The following ITGA9 variants were observed in gnomAD, a reference collection of about 807,000 sequenced individuals.
ITGA9 encodes integrin alpha-9.
ITGA9 carries 56 observed loss-of-function variants against 127.8 expected under a neutral mutation model. That is an observed-to-expected ratio of 0.44 (90% CI 0.35 to 0.55). The LOEUF (loss-of-function observed/expected upper bound fraction) is 0.55, where lower values mean the gene tolerates loss of function less well. Among genes scored for constraint, ITGA9 ranks in the 20% least tolerant of loss-of-function variants. The pLI is 0.00. For synonymous variants in ITGA9, 508 were observed against 514.5 expected, an observed-to-expected ratio of 0.99 and a Z score of 0.17; for missense variants, 1,196 against 1,347.1, an observed-to-expected ratio of 0.89 and a Z score of 1.76.
chr3:37,469,299 C>A (rs1698403776), intron 1 of ITGA9, among the ~76,000 whole-genome samples: 1 of 152,176 alleles, frequency 6.6e-6, no homozygotes, highest in Non-Finnish European at 1.5e-5. Context: ...TGTTCTATTT[C>A]TGTTTTGCAG....
intron 19 of ITGA9, among the ~76,000 whole-genome samples, chr3:37,736,070 G>T (rs1575213789): frequency 6.6e-6 from 1 of 152,166 alleles, no homozygotes; most frequent in East Asian, 1.9e-4. Context: ...CTTGGTGTGT[G>T]TGCATGGAGA....
chr3:37,582,909 AC>A (rs1479290685), intron 15 of ITGA9, among the ~76,000 whole-genome samples: 2 of 152,234 alleles, frequency 1.3e-5, no homozygotes, highest in African/African-American at 2.4e-5. Context: ...AAACTTGTCA[AC>A]CAGTAGGCCT....
intron 25 of ITGA9, 119 bp downstream of exon 25, chr3:37,780,140 C>T: frequency 8.1e-7 from 1 of 1,229,748 alleles, no homozygotes; most frequent in Non-Finnish European, 1.2e-6. Context: ...TCATGACAAT[C>T]TGGCTGCCCC....
At chr3:37,734,529 G>T (rs376219986) in intron 19 of ITGA9, among the ~76,000 whole-genome samples, 1 of 152,010 alleles carries the variant, frequency 6.6e-6, no homozygotes, top group African/African-American at 2.4e-5. Flanking sequence ...TCTCTCTGTC[G>T]CCCAGGCTGG....
In ITGA9 at chr3:37,779,840, A is replaced by G; in HGVS notation, c.2668-62A>G. On this transcript the variant is annotated intron_variant, in intron 24 of 27. Coordinates refer to ENST00000264741, the MANE Select transcript of ITGA9 (RefSeq NM_002207.3). Reference sequence around the variant, plus strand: ...GTTCATGGAGCCCACTACTCTGTAAATTGTTGTGGATTTGTCTTTGTTCTT... The same window carrying G: ...GTTCATGGAGCCCACTACTCTGTAAGTTGTTGTGGATTTGTCTTTGTTCTT... 2.5e-6 allele frequency: 4 copies of G among 1,575,028 alleles called. No homozygotes were observed. The Admixed American group carries it at 6.7e-5, about 26-fold the overall frequency.
chr3:37,614,420 T>C (rs1700054936), intron 15 of ITGA9, among the ~76,000 whole-genome samples: 1 of 152,216 alleles, frequency 6.6e-6, no homozygotes, highest in Admixed American at 6.5e-5. Flanking sequence ...TTTTGTTCTT[T>C]TGGCTTAGGA....
chr3:37,562,210 CCTTT>C (rs1305902072), intron 15 of ITGA9, among the ~76,000 whole-genome samples: 1 of 152,100 alleles, frequency 6.6e-6, no homozygotes, highest in Non-Finnish European at 1.5e-5. Flanking sequence ...ACCTGAAAGC[CCTTT>C]CTTAGGCTGA....
At chr3:37,612,226 C>T (rs766834786) in intron 15 of ITGA9, among the ~76,000 whole-genome samples, 70 of 152,170 alleles carry the variant, frequency 4.6e-4, no homozygotes, top group Non-Finnish European at 7.8e-4. Flanking sequence ...CGCCTTTGGC[C>T]GTTGGGAAGC....
chr3:37,669,477 A>G (rs1403138491), intron 17 of ITGA9, among the ~76,000 whole-genome samples: 1 of 152,164 alleles, frequency 6.6e-6, no homozygotes, highest in Non-Finnish European at 1.5e-5. Context: ...CTCTGCCACA[A>G]GCTCTGGCTT....
At position 37,452,349 on chromosome 3, in the gene ITGA9, G is replaced by C. The variant is rs1285761950; in HGVS notation, c.-26G>C. 1.8e-6 allele frequency: 2 copies of C among 1,123,172 alleles called. No individual in the cohort carries two copies. Among genetic ancestry groups the C allele is most frequent in the East Asian group, 9.9e-5 (2 of 20,218 alleles). The allele number at this position is 1,123,172 out of a possible 1,614,324, so 69.6% of individuals were successfully genotyped here. On this transcript the variant is annotated 5_prime_UTR_variant, in exon 1 of 28. Transcript: ENST00000264741. The surrounding 1 kb of genome is among the most constrained non-coding windows in gnomAD (Gnocchi z 7.3). The stretch of plus-strand genomic sequence containing the variant: ...CGCTCGGCGCCCTGCTCGCCGGGCA[G>C]AGGGGAAGGCGGCGGCCGGCTGGGG...
intron 7 of ITGA9, among the ~76,000 whole-genome samples, chr3:37,507,965 C>T (rs1255984044): frequency 6.6e-6 from 1 of 152,236 alleles, no homozygotes; most frequent in Non-Finnish European, 1.5e-5. Context: ...GCATAGTTCA[C>T]ATGAACATGC....
chr3:37,519,555 A>AAC (rs1699023829), intron 11 of ITGA9, among the ~76,000 whole-genome samples: 1 of 152,252 alleles, frequency 6.6e-6, no homozygotes, highest in Non-Finnish European at 1.5e-5. Flanking sequence ...CAAGTTCGCT[A>AAC]ACACTCAGGG....
intron 18 of ITGA9, among the ~76,000 whole-genome samples, 158 bp downstream of exon 18, chr3:37,684,173 A>G (rs896981642): frequency 6.6e-6 from 1 of 152,186 alleles, no homozygotes; most frequent in Non-Finnish European, 1.5e-5. Context: ...GGGCTTAGAA[A>G]ACATGTTGGT....
At chr3:37,639,715 G>T (rs1700314150) in intron 16 of ITGA9, among the ~76,000 whole-genome samples, 1 of 152,140 alleles carries the variant, frequency 6.6e-6, no homozygotes, top group Non-Finnish European at 1.5e-5. Flanking sequence ...AGTTAAGAAA[G>T]AGCTTGTTGC....
chr3:37,729,686 A>C lies in ITGA9; in HGVS notation c.2068-3026A>C, dbSNP rs12492366. Among the ~76,000 whole-genome samples the C allele has an allele frequency of 6.3e-3, 947 of 149,758 alleles. 23 individuals carry two copies. Among genetic ancestry groups the C allele is most frequent in the Admixed American group, 0.042 (616 of 14,688 alleles). ...AACTGAAGAAGTCTTTGGGGCAATA[A>C]ATCTTTTTGATTTCTTTTTTTTTTT... On this transcript the variant is annotated intron_variant, in intron 18 of 27. Coordinates refer to ENST00000264741, the MANE Select transcript of ITGA9 (RefSeq NM_002207.3).
chr3:37,793,946 G>A (rs1431803568), intron 26 of ITGA9, among the ~76,000 whole-genome samples: 2 of 152,152 alleles, frequency 1.3e-5, no homozygotes, highest in Admixed American at 6.5e-5. Flanking sequence ...GGCTGGGCAG[G>A]CCAAATCAAG....
chr3:37,747,104 A>C, intron 22 of ITGA9, among the ~76,000 whole-genome samples: 1 of 152,274 alleles, frequency 6.6e-6, no homozygotes, highest in African/African-American at 2.4e-5. Flanking sequence ...TTTATATTTT[A>C]CTCATCTTTT....
chr3:37,733,183 T>C (rs1696318224), intron 19 of ITGA9, among the ~76,000 whole-genome samples: 1 of 152,230 alleles, frequency 6.6e-6, no homozygotes, highest in Admixed American at 6.5e-5. Flanking sequence ...CCTATAGTCC[T>C]GTCATTCCCT....
At chr3:37,688,793 C>T (rs577282042) in intron 18 of ITGA9, among the ~76,000 whole-genome samples, 6 of 152,236 alleles carry the variant, frequency 3.9e-5, no homozygotes, top group African/African-American at 1.4e-4. Flanking sequence ...CAGGATCTGT[C>T]CACAGAATAG....
Sources: gnomAD v4.1 joint callset for allele counts (sites outside exome capture counted in the v4.1 genomes callset) on GRCh38, gnomAD v4.1.1 for gene constraint, Gnocchi (gnomAD v3.1) non-coding constraint, MANE v1.5 for transcripts, NCBI Gene and HGNC (gene_info 2026-07-23, HGNC 2026-07-21) for gene names.